Variants in KCTD3 observed in about 807,000 individuals in gnomAD.
The protein encoded by KCTD3 is potassium channel tetramerization domain containing 3, also known as BTB/POZ domain-containing protein KCTD3.
Under a neutral mutation model 85.8 loss-of-function variants are expected in KCTD3, and 41 were observed. The observed-to-expected ratio is 0.48, with a 90% confidence interval of 0.37 to 0.62. The LOEUF (loss-of-function observed/expected upper bound fraction) is 0.62. Among genes scored for constraint, KCTD3 ranks in the 20% least tolerant of loss-of-function variants. KCTD3 has a pLI of 0.00. For synonymous variants in KCTD3, 338 were observed against 345.4 expected, an observed-to-expected ratio of 0.98 and a Z score of 0.24; for missense variants, 724 against 989.9, an observed-to-expected ratio of 0.73 and a Z score of 3.60.
In KCTD3 at chr1:215,573,836, C is replaced by T; in HGVS notation, c.134C>T (p.Ser45Phe). The T allele has an allele frequency of 1.3e-6, 2 of 1,538,294 alleles. No individual in the cohort carries two copies. Among genetic ancestry groups the T allele is most frequent in the South Asian group, 1.2e-5 (1 of 85,844 alleles). ...ATGTGGATTCCAGATTCTTTTTTTT[C>T]CAGGTATGTCTTATAATTCTTTAGT... ...TLMWIPDSFF[S>F]SLLSGRISTL... Residue 45 changes from serine (S) to phenylalanine (F), a missense_variant, in exon 2 of 18, where the codon TCC becomes TTC. Physicochemically the swap from Ser to Phe is radical, Grantham distance 155. Transcript: ENST00000259154.
intron 8 of KCTD3, among the ~76,000 whole-genome samples, chr1:215,582,366 A>G (rs1659855121): frequency 6.6e-6 from 1 of 152,158 alleles, no homozygotes. Flanking sequence ...AAAATCTCAC[A>G]GGGCATGTCC....
chr1:215,576,801 C>G (rs1659602946), intron 4 of KCTD3, among the ~76,000 whole-genome samples: 1 of 152,052 alleles, frequency 6.6e-6, no homozygotes, highest in Non-Finnish European at 1.5e-5. Context: ...ATCTCCTCAC[C>G]TCGTAATCCA....
rs563183127 is a variant in KCTD3, at chr1:215,613,113, G to A, written c.1562+1192G>A. ...CATGTGTAACAGACCTGCACATCCC[G>A]CACATGTACCCCAGAACTTAAAAGT... On this transcript the variant is annotated intron_variant, in intron 15 of 17. Coordinates refer to ENST00000259154, the MANE Select transcript of KCTD3 (RefSeq NM_016121.5). Among the ~76,000 whole-genome samples, 10 of 152,192 alleles carry A rather than the reference G, an allele frequency of 6.6e-5. No individual in the cohort carries two copies. The East Asian group carries it at 7.7e-4, about 12-fold the overall frequency.
chr1:215,609,662 A>G (rs1185116950), intron 14 of KCTD3, among the ~76,000 whole-genome samples: 1 of 151,924 alleles, frequency 6.6e-6, no homozygotes, highest in Non-Finnish European at 1.5e-5. Context: ...CATTGACTAG[A>G]TGTGGCAGGC....
intron 1 of KCTD3, among the ~76,000 whole-genome samples, chr1:215,568,171 C>A (rs1287686644): frequency 6.6e-6 from 1 of 152,142 alleles, no homozygotes; most frequent in East Asian, 1.9e-4. Context: ...AACTTGCTTT[C>A]CTTTCTCTTT....
At chr1:215,613,276 G>T (rs1436122369) in intron 15 of KCTD3, among the ~76,000 whole-genome samples, 1 of 152,204 alleles carries the variant, frequency 6.6e-6, no homozygotes, top group Non-Finnish European at 1.5e-5. Context: ...AGGCTAGAGT[G>T]CTGTGGTGTG....
chr1:215,611,843 A>G lies in KCTD3; in HGVS notation c.1484A>G (p.Asp495Gly). 1 of 1,605,658 alleles carries G rather than the reference A, an allele frequency of 6.2e-7. No individual in the cohort carries two copies. Among genetic ancestry groups the G allele is most frequent in the Non-Finnish European group, 8.5e-7 (1 of 1,174,426 alleles). The change falls in exon 15 of 18, where the codon GAC (aspartate) becomes GGC (glycine). Residue 495 changes from aspartate (D) to glycine (G), a missense_variant. Asp to Gly is a moderately conservative substitution (Grantham distance 94). Coordinates refer to ENST00000259154, the MANE Select transcript of KCTD3 (RefSeq NM_016121.5). ...GATCAAGGACCTTTTGGAGAGCGAG[A>G]CGATCAACAGGTGTTTATCCAGAAA... Reference protein sequence around the residue: ...GNDIGPFGERDDQQVFIQKVV... With the variant: ...GNDIGPFGERGDQQVFIQKVV...
chr1:215,584,444 C>G (rs1182129204), intron 8 of KCTD3, among the ~76,000 whole-genome samples: 1 of 152,138 alleles, frequency 6.6e-6, no homozygotes, highest in Non-Finnish European at 1.5e-5. Flanking sequence ...GAACTTTGAT[C>G]CATAAAGAAT....
intron 3 of KCTD3, among the ~76,000 whole-genome samples, chr1:215,575,111 G>A (rs1278725294): frequency 1.3e-5 from 2 of 152,010 alleles, no homozygotes; most frequent in African/African-American, 2.4e-5. Flanking sequence ...AATTAACCCG[G>A]CATAGTGGCA....
chr1:215,572,158 G>T (rs1038180486), intron 1 of KCTD3, among the ~76,000 whole-genome samples: 1 of 152,112 alleles, frequency 6.6e-6, no homozygotes, highest in South Asian at 2.1e-4. Flanking sequence ...CCTGCAGATC[G>T]TACAGAAGAA....
intron 9 of KCTD3, among the ~76,000 whole-genome samples, chr1:215,594,575 A>G (rs1660341385): frequency 6.6e-6 from 1 of 151,674 alleles, no homozygotes; most frequent in South Asian, 2.1e-4. Flanking sequence ...CCCCCTTTCC[A>G]TACCCTTTTT....
intron 13 of KCTD3, 102 bp from the exon 14 acceptor site, chr1:215,607,915 C>A (rs1655095207): frequency 5.4e-6 from 4 of 744,602 alleles, no homozygotes; most frequent in Non-Finnish European, 2.0e-6. Context: ...ATGTCATTTG[C>A]CACTTATACT....
chr1:215,569,125 C>CT (rs397964441), intron 1 of KCTD3, among the ~76,000 whole-genome samples: 6,422 of 139,006 alleles, frequency 0.046, 167 homozygotes, highest in South Asian at 0.096. Flanking sequence ...CTTTAATTTT[C>CT]TTTTTTTTTT....
chr1:215,604,063 G>C, intron 12 of KCTD3, 69 bp from the exon 13 acceptor site: 1 of 1,224,256 alleles, frequency 8.2e-7, no homozygotes, highest in Non-Finnish European at 1.1e-6. Flanking sequence ...TCATAGGGAA[G>C]CTTTGCGAGG....
In KCTD3 at chr1:215,608,003, T is replaced by C. The variant is rs770941129; in HGVS notation, c.1310-14T>C. On this transcript the variant is annotated splice_polypyrimidine_tract_variant and intron_variant, in intron 13 of 17. Transcript: ENST00000259154. Reference sequence around the variant, plus strand: ...AGTAATTTTGTATTCTTTTGTGTTCTCTTTCTCTGCTAGTCTGTGCAGATA... The same window carrying C: ...AGTAATTTTGTATTCTTTTGTGTTCCCTTTCTCTGCTAGTCTGTGCAGATA... 7.6e-6 allele frequency: 12 copies of C among 1,580,300 alleles called. No homozygotes were observed. Among genetic ancestry groups the C allele is most frequent in the Non-Finnish European group, 9.4e-6 (11 of 1,169,132 alleles).
At position 215,620,662 on chromosome 1, in the gene KCTD3, A is replaced by C; in HGVS notation, c.*44A>C. The stretch of plus-strand genomic sequence containing the variant: ...AGTTGTTTCGTTACATTTAGATGAA[A>C]GTTAAACTTTACTGAATTTCAGTAC... On this transcript the variant is annotated 3_prime_UTR_variant, in exon 18 of 18. Coordinates refer to ENST00000259154, the MANE Select transcript of KCTD3 (RefSeq NM_016121.5). The C allele has an allele frequency of 7.3e-7, 1 of 1,361,836 alleles. No homozygotes were observed. Among genetic ancestry groups the C allele is most frequent in the Non-Finnish European group, 1.0e-6 (1 of 997,886 alleles). 84.4% of individuals were successfully genotyped at this position (1,361,836 alleles called of 1,614,324 possible).
At chr1:215,574,972 C>T (rs1440273903) in intron 3 of KCTD3, among the ~76,000 whole-genome samples, 1 of 152,086 alleles carries the variant, frequency 6.6e-6, no homozygotes, top group Non-Finnish European at 1.5e-5. Context: ...CAATTATGGG[C>T]TGGGTGGGGT....
intron 3 of KCTD3, 72 bp from the exon 4 acceptor site, chr1:215,575,829 A>G (rs570318645): frequency 3.8e-6 from 3 of 786,864 alleles, no homozygotes; most frequent in East Asian, 5.7e-5. Context: ...TTCATTCCCT[A>G]TTAGTGTTAC....
At chr1:215,601,751 C>G in intron 10 of KCTD3, 116 bp from the exon 11 acceptor site, 1 of 628,778 alleles carries the variant, frequency 1.6e-6, no homozygotes, top group Non-Finnish European at 2.8e-6. Flanking sequence ...CTAAGCCCTA[C>G]TAAAATTGGA....
Sources: allele counts gnomAD v4.1 joint callset (sites outside exome capture counted in the v4.1 genomes callset), GRCh38; gene constraint gnomAD v4.1.1; transcripts MANE v1.5; gene names NCBI Gene and HGNC (gene_info 2026-07-23, HGNC 2026-07-21).